The following VTA1 variants were observed in gnomAD, a reference collection of about 807,000 sequenced individuals.
The protein encoded by VTA1 is vesicle trafficking 1.
VTA1 carries 24 observed loss-of-function variants against 36.9 expected under a neutral mutation model. The observed-to-expected ratio is 0.65, with a 90% CI of 0.47 to 0.91. The LOEUF (loss-of-function observed/expected upper bound fraction) is 0.91. VTA1 is among the 40% of genes least tolerant of loss of function. VTA1 has a pLI of 0.00. For synonymous variants in VTA1, 142 were observed against 130.2 expected, an observed-to-expected ratio of 1.09 and a Z score of -0.62; for missense variants, 393 against 377.2, an observed-to-expected ratio of 1.04 and a Z score of -0.35.
intron 4 of VTA1, among the ~76,000 whole-genome samples, chr6:142,170,962 C>T (rs1297445494): frequency 6.6e-6 from 1 of 152,104 alleles, no homozygotes; most frequent in African/African-American, 2.4e-5. Context: ...ATGTATTTTA[C>T]ACTTCAGCAT....
chr6:142,174,701 G>A (rs1775087077), intron 4 of VTA1, among the ~76,000 whole-genome samples: 1 of 152,174 alleles, frequency 6.6e-6, no homozygotes, highest in Non-Finnish European at 1.5e-5. Flanking sequence ...CTCAGTGTTG[G>A]AGGTGAGGCC....
chr6:142,188,403 CAG>C (rs1227237993), intron 4 of VTA1, among the ~76,000 whole-genome samples: 2 of 151,730 alleles, frequency 1.3e-5, no homozygotes, highest in Non-Finnish European at 2.9e-5. Context: ...TCAATAGAAA[CAG>C]GGTTTCACTG....
intron 5 of VTA1, among the ~76,000 whole-genome samples, chr6:142,196,377 CT>C (rs2114671474): frequency 6.6e-6 from 1 of 152,146 alleles, no homozygotes; most frequent in Admixed American, 6.5e-5. Context: ...GTTTGTCATC[CT>C]TTTAGTTTAA....
chr6:142,153,708 T>C (rs923527165), intron 1 of VTA1, among the ~76,000 whole-genome samples: 2 of 152,152 alleles, frequency 1.3e-5, no homozygotes, highest in African/African-American at 4.8e-5. Context: ...TTATTGTTTA[T>C]GTGTTTGAAC....
Position 142,223,781 on chromosome 6 carries a change from A to G in VTA1, c.*5138A>G, listed in dbSNP as rs191209075. The G allele has an allele frequency of 2.6e-5, 4 of 152,128 alleles. No homozygotes were observed. The highest frequency in any genetic ancestry group is 4.4e-5 in the Non-Finnish European group (3 of 68,036). 9.4% of individuals were successfully genotyped at this position (152,128 alleles called of 1,614,324 possible). A position where few individuals can be genotyped will look rare whatever the true frequency, so the allele number is the denominator to read the frequency against. ...TATACGAGTTACAATAATTCTTCCTAAAGTCAGGGAAAGCTTCACAGATAA... is the reference window on the plus strand; with the variant it reads ...TATACGAGTTACAATAATTCTTCCTGAAGTCAGGGAAAGCTTCACAGATAA... On this transcript the variant is annotated 3_prime_UTR_variant, in exon 8 of 8. Coordinates refer to ENST00000367630, the MANE Select transcript of VTA1 (RefSeq NM_016485.5).
intron 6 of VTA1, among the ~76,000 whole-genome samples, chr6:142,202,582 T>C (rs1017501663): frequency 6.6e-6 from 1 of 152,000 alleles, no homozygotes; most frequent in Admixed American, 6.6e-5. Flanking sequence ...TAAAGTATAG[T>C]ATGCAGAACT....
At chr6:142,205,386 A>G (rs1775771389) in intron 7 of VTA1, among the ~76,000 whole-genome samples, 1 of 152,180 alleles carries the variant, frequency 6.6e-6, no homozygotes, top group South Asian at 2.1e-4. Context: ...AGTTAATTAT[A>G]TATGCTTAGT....
Position 142,169,646 on chromosome 6 carries a change from G to T in VTA1, c.304G>T (p.Asp102Tyr). ...TGCTTTGAAAATGTTTTTGTATGCA[G>T]ACAATGAAGATCGTGCTGGACGATT... ...NYALKMFLYA[D>Y]NEDRAGRFHK... Residue 102 changes from aspartate (D) to tyrosine (Y), a missense_variant, in exon 3 of 8, where the codon GAC (aspartate) becomes TAC (tyrosine). Coordinates refer to ENST00000367630, the MANE Select transcript of VTA1 (RefSeq NM_016485.5). 1 of 1,607,754 alleles carries T rather than the reference G, an allele frequency of 6.2e-7. No homozygotes were observed. Among genetic ancestry groups the T allele is most frequent in the Non-Finnish European group, 8.5e-7 (1 of 1,178,442 alleles).
chr6:142,218,929 A>T lies in VTA1; in HGVS notation c.*286A>T. ...CTTCAAAAAATGAAAACACACCTCT[A>T]TAAAATGTGTACTGGGAATAAGCTT... On this transcript the variant is annotated 3_prime_UTR_variant, in exon 8 of 8. Coordinates refer to ENST00000367630, the MANE Select transcript of VTA1 (RefSeq NM_016485.5). 4.5e-6 allele frequency: 1 copy of T among 224,172 alleles called. No individual in the cohort carries two copies. The highest frequency in any genetic ancestry group is 8.5e-6 in the Non-Finnish European group (1 of 117,860). The allele number at this position is 224,172 out of a possible 1,614,324, so 13.9% of individuals were successfully genotyped here.
chr6:142,164,643 C>T (rs945380347), intron 1 of VTA1, among the ~76,000 whole-genome samples: 2 of 152,082 alleles, frequency 1.3e-5, no homozygotes, highest in Non-Finnish European at 2.9e-5. Context: ...CTGAGAGTAA[C>T]AGATATTCAA....
chr6:142,204,531 G>GTA (rs1346283736), intron 7 of VTA1, among the ~76,000 whole-genome samples: 2 of 152,136 alleles, frequency 1.3e-5, no homozygotes, highest in African/African-American at 4.8e-5. Flanking sequence ...ATTGGTTTAA[G>GTA]TATAATCTTT....
At chr6:142,182,434 A>G (rs1775259697) in intron 4 of VTA1, among the ~76,000 whole-genome samples, 1 of 152,216 alleles carries the variant, frequency 6.6e-6, no homozygotes, top group Non-Finnish European at 1.5e-5. Flanking sequence ...ACAAGAGTGG[A>G]AAAGGCAAAC....
At chr6:142,164,827 GTGTT>G (rs901622209) in intron 1 of VTA1, among the ~76,000 whole-genome samples, 1 of 152,140 alleles carries the variant, frequency 6.6e-6, no homozygotes, top group African/African-American at 2.4e-5. Flanking sequence ...TTTCATTCAT[GTGTT>G]TGTCTATTCA....
At chr6:142,211,825 T>C (rs1775911325) in intron 7 of VTA1, among the ~76,000 whole-genome samples, 2 of 151,202 alleles carry the variant, frequency 1.3e-5, no homozygotes, top group South Asian at 2.1e-4. Flanking sequence ...TAAAGAACAA[T>C]AACGCAGACA....
intron 1 of VTA1, among the ~76,000 whole-genome samples, chr6:142,155,240 T>C (rs1778642611): frequency 6.6e-6 from 1 of 152,164 alleles, no homozygotes; most frequent in African/African-American, 2.4e-5. Context: ...GGCTGTGTGA[T>C]TGGTACAAAG....
At chr6:142,186,134 G>A (rs1257233236) in intron 4 of VTA1, among the ~76,000 whole-genome samples, 2 of 152,100 alleles carry the variant, frequency 1.3e-5, no homozygotes, top group Non-Finnish European at 2.9e-5. Context: ...ATTTGATCTG[G>A]CATATGAGGA....
At chr6:142,202,373 G>A (rs1036491995) in intron 6 of VTA1, among the ~76,000 whole-genome samples, 1 of 151,840 alleles carries the variant, frequency 6.6e-6, no homozygotes, top group Non-Finnish European at 1.5e-5. Flanking sequence ...CACAGTATAT[G>A]AGAATATTTA....
chr6:142,154,218 A>G (rs997624375), intron 1 of VTA1, among the ~76,000 whole-genome samples: 10 of 152,040 alleles, frequency 6.6e-5, no homozygotes, highest in Admixed American at 6.5e-4. Context: ...CTAAAGTTTT[A>G]TCATTTAAAA....
At chr6:142,171,861 A>G (rs1300925122) in intron 4 of VTA1, among the ~76,000 whole-genome samples, 2 of 152,160 alleles carry the variant, frequency 1.3e-5, no homozygotes, top group Non-Finnish European at 2.9e-5. Flanking sequence ...TGTATAAGGC[A>G]TTTTTGTAAA....
Sources: gnomAD v4.1 joint callset for allele counts (sites outside exome capture counted in the v4.1 genomes callset) on GRCh38, gnomAD v4.1.1 for gene constraint, MANE v1.5 for transcripts, NCBI Gene and HGNC (gene_info 2026-07-23, HGNC 2026-07-21) for gene names.